The following NCAM2 variants were observed in gnomAD, a reference collection of about 807,000 sequenced individuals.
The protein encoded by NCAM2 is neural cell adhesion molecule 2.
In NCAM2, 30 loss-of-function variants were observed where a neutral mutation model predicts 98.1. That is an observed-to-expected ratio of 0.31 (90% confidence interval 0.23 to 0.41). NCAM2 has a LOEUF of 0.41. NCAM2 is among the 10% of genes least tolerant of loss of function. NCAM2 has a pLI of 1.00. For synonymous variants in NCAM2, 368 were observed against 342.4 expected, an observed-to-expected ratio of 1.07 and a Z score of -0.83; for missense variants, 867 against 1,005.8, an observed-to-expected ratio of 0.86 and a Z score of 1.87.
In NCAM2 at chr21:21,523,838, T is replaced by C. The variant is rs547222580; in HGVS notation, c.2283-10699T>C. ...AATCATATAAAATGCTCAATTGAAA[T>C]CGCCAAAGACAGAAAAATAGTGAAA... is the stretch of plus-strand genomic sequence containing the variant. On this transcript the variant is annotated intron_variant, in intron 16 of 17. Coordinates refer to ENST00000400546, the MANE Select transcript of NCAM2 (RefSeq NM_004540.5). Among the ~76,000 whole-genome samples, 9 of 151,950 alleles carry C rather than the reference T, an allele frequency of 5.9e-5. 1 individual carries two copies. In the South Asian group the frequency reaches 1.9e-3, roughly 32 times the overall value.
intron 1 of NCAM2, among the ~76,000 whole-genome samples, chr21:21,167,170 G>A (rs932794556): frequency 2.6e-5 from 4 of 151,976 alleles, no homozygotes; most frequent in Admixed American, 2.0e-4. Flanking sequence ...GGGAATTAAA[G>A]TGAACGTTCT....
intron 13 of NCAM2, among the ~76,000 whole-genome samples, chr21:21,467,608 G>C (rs913014335): frequency 2.0e-5 from 3 of 151,672 alleles, no homozygotes; most frequent in Non-Finnish European, 2.9e-5. Context: ...CATTTTGGAA[G>C]GCTGAGGCAG....
intron 5 of NCAM2, among the ~76,000 whole-genome samples, chr21:21,294,338 A>G (rs934483738): frequency 1.6e-4 from 24 of 151,944 alleles, no homozygotes; most frequent in African/African-American, 5.3e-4. Context: ...TTATATTTCT[A>G]TACTTATTTA....
intron 12 of NCAM2, among the ~76,000 whole-genome samples, chr21:21,454,426 T>C (rs909928806): frequency 6.6e-6 from 1 of 152,040 alleles, no homozygotes; most frequent in African/African-American, 2.4e-5. Context: ...TGTGGTGAGT[T>C]TGATATATAA....
intron 12 of NCAM2, among the ~76,000 whole-genome samples, chr21:21,442,932 A>T (rs1427502664): frequency 6.6e-6 from 1 of 152,134 alleles, no homozygotes; most frequent in Non-Finnish European, 1.5e-5. Context: ...CTTTCTCTTT[A>T]TCCCACCCTC....
intron 1 of NCAM2, among the ~76,000 whole-genome samples, chr21:21,046,413 A>G (rs34620166): frequency 0.2 from 30,252 of 152,046 alleles, 3,369 homozygotes; most frequent in Non-Finnish European, 0.26. Context: ...CCAGTACTAA[A>G]TTTTGTTCAA....
chr21:21,510,547 T>C (rs1289531471), intron 16 of NCAM2, among the ~76,000 whole-genome samples: 1 of 152,120 alleles, frequency 6.6e-6, no homozygotes, highest in African/African-American at 2.4e-5. Context: ...ATTTATATTC[T>C]TTTTCTATGC....
At chr21:21,434,868 G>C (rs915150423) in intron 12 of NCAM2, among the ~76,000 whole-genome samples, 2 of 152,268 alleles carry the variant, frequency 1.3e-5, no homozygotes, top group South Asian at 4.1e-4. Context: ...TCTTGGGAAG[G>C]TGAAAGAGAT....
At chr21:21,106,111 A>C (rs981994313) in intron 1 of NCAM2, among the ~76,000 whole-genome samples, 4 of 152,050 alleles carry the variant, frequency 2.6e-5, no homozygotes, top group African/African-American at 7.2e-5. Context: ...ATTTGAGACC[A>C]GCCTGAGCAA....
At chr21:21,292,356 C>A in intron 5 of NCAM2, 115 bp downstream of exon 5, 3 of 985,920 alleles carry the variant, frequency 3.0e-6, no homozygotes, top group Admixed American at 2.9e-5. Context: ...CTCTTCTATA[C>A]CAGGAAGAAA....
intron 1 of NCAM2, among the ~76,000 whole-genome samples, chr21:21,172,647 A>C (rs754651016): frequency 6.6e-6 from 1 of 152,134 alleles, no homozygotes; most frequent in Non-Finnish European, 1.5e-5. Context: ...AACTGGATAA[A>C]GTGTTTTCTC....
At chr21:21,049,013 A>ATTTTTTTTTTTTT (rs61325994) in intron 1 of NCAM2, among the ~76,000 whole-genome samples, 8 of 133,466 alleles carry the variant, frequency 6.0e-5, no homozygotes, top group African/African-American at 2.2e-4. Flanking sequence ...TTTACTATTA[A>ATTTTTTTTTTTTT]TTTTTTTTTT....
At chr21:21,056,615 A>G (rs936025686) in intron 1 of NCAM2, among the ~76,000 whole-genome samples, 2 of 151,776 alleles carry the variant, frequency 1.3e-5, no homozygotes, top group East Asian at 1.9e-4. Flanking sequence ...AAAGACGATT[A>G]CTTCTCCTAA....
At chr21:21,443,920 T>C (rs982552564) in intron 12 of NCAM2, among the ~76,000 whole-genome samples, 3 of 152,180 alleles carry the variant, frequency 2.0e-5, no homozygotes, top group Non-Finnish European at 4.4e-5. Context: ...TTTGTACTGG[T>C]TATCAAAGGG....
intron 15 of NCAM2, among the ~76,000 whole-genome samples, chr21:21,495,230 A>G (rs1194918942): frequency 6.6e-6 from 1 of 152,026 alleles, no homozygotes; most frequent in African/African-American, 2.4e-5. Flanking sequence ...TATCTTATTT[A>G]GTTTCTATTT....
intron 1 of NCAM2, among the ~76,000 whole-genome samples, chr21:21,045,902 G>A (rs529189569): frequency 3.3e-5 from 5 of 152,274 alleles, no homozygotes; most frequent in Middle Eastern, 3.4e-3. Flanking sequence ...TAAACCAGCT[G>A]TAGAGCAAAT....
chr21:21,183,450 A>G (rs943763574), intron 1 of NCAM2, among the ~76,000 whole-genome samples: 8 of 152,150 alleles, frequency 5.3e-5, no homozygotes, highest in Non-Finnish European at 1.0e-4. Flanking sequence ...AGTAGTAAGT[A>G]AGAGATGCCA....
chr21:21,033,401 G>A lies in NCAM2; in HGVS notation c.55+34783G>A, dbSNP rs574385488. 1.9e-3 allele frequency among the ~76,000 whole-genome samples: 294 copies of A among 152,254 alleles called. 1 individual carries two copies. The highest frequency in any genetic ancestry group is 2.2e-3 in the Non-Finnish European group (148 of 68,008). ...GATAGAAGATTAACAGGAAAAAAAG[G>A]CATACAAATTTATTAGCTTGCATAT... is the stretch of plus-strand genomic sequence containing the variant. On this transcript the variant is annotated intron_variant, in intron 1 of 17. Coordinates refer to ENST00000400546, the MANE Select transcript of NCAM2 (RefSeq NM_004540.5).
At chr21:21,504,342 C>T (rs746236448) in intron 15 of NCAM2, among the ~76,000 whole-genome samples, 28 of 151,810 alleles carry the variant, frequency 1.8e-4, no homozygotes, top group Non-Finnish European at 3.5e-4. Context: ...ATAAAATTTA[C>T]ACCATAAGTC....
Sources: allele counts gnomAD v4.1 joint callset (sites outside exome capture counted in the v4.1 genomes callset), GRCh38; gene constraint gnomAD v4.1.1; transcripts MANE v1.5; gene names NCBI Gene and HGNC (gene_info 2026-07-23, HGNC 2026-07-21).